CYP4F11: variants seen among roughly 807,000 people sequenced by gnomAD.
CYP4F11 encodes cytochrome P450 4F11.
In CYP4F11, 79 loss-of-function variants were observed where a neutral mutation model predicts 62.2. That is an observed-to-expected ratio of 1.27 (90% CI 1.06 to 1.53). The LOEUF (loss-of-function observed/expected upper bound fraction) is 1.53, where lower values mean the gene tolerates loss of function less well. Ranked by LOEUF, CYP4F11 falls within the 40% of genes most tolerant of loss-of-function variation. The probability of loss-of-function intolerance (pLI) is 0.00; values close to 1 mark genes in which losing one functional copy is unlikely to be tolerated. For missense variants in CYP4F11, 777 were observed against 680.5 expected (o/e 1.14, Z -1.58); for synonymous variants, 290 against 263.7 (o/e 1.10, Z -0.97).
rs199730157 is a variant in CYP4F11, at chr19:15,921,104, C to A, written c.1115+933G>T. Among the ~76,000 whole-genome samples, 3 of 142,568 alleles carry A rather than the reference C, an allele frequency of 2.1e-5. No individual in the cohort carries two copies. The East Asian group carries it at 6.1e-4, about 29-fold the overall frequency. 93.5% of individuals were successfully genotyped at this position (142,568 alleles called of 152,430 possible). Reference sequence around the variant, plus strand: ...TCTCTCTCTCTCTCTCTCTCTCTCTCCCTCTCTCTCTCACTCCCTCTCTCC... The same window carrying A: ...TCTCTCTCTCTCTCTCTCTCTCTCTACCTCTCTCTCTCACTCCCTCTCTCC... On this transcript the variant is annotated intron_variant, in intron 8 of 11. Coordinates refer to ENST00000402119, the MANE Select transcript of CYP4F11 (RefSeq NM_021187.4).
At chr19:15,919,345 C>CGATG (rs985463615) in intron 8 of CYP4F11, among the ~76,000 whole-genome samples, 23 of 137,724 alleles carry the variant, frequency 1.7e-4, no homozygotes, top group East Asian at 2.1e-4. Flanking sequence ...ATAGATAGAT[C>CGATG]GATGGATGGA....
chr19:15,930,378 G>T lies in CYP4F11; in HGVS notation c.199-777C>A, dbSNP rs545305042. 2.4e-3 allele frequency among the ~76,000 whole-genome samples: 368 copies of T among 152,172 alleles called. 1 individual carries two copies. Among genetic ancestry groups the T allele is most frequent in the African/African-American group, 8.5e-3 (353 of 41,508 alleles). On this transcript the variant is annotated intron_variant, in intron 1 of 11. Coordinates refer to ENST00000402119, the MANE Select transcript of CYP4F11 (RefSeq NM_021187.4). The stretch of plus-strand genomic sequence containing the variant: ...GGCCATGGTGGGTGGATCACCTGAG[G>T]TCAGGTGTTCGGGACCAGCCTGACC...
At chr19:15,916,386 C>T (rs2089583868) in intron 8 of CYP4F11, among the ~76,000 whole-genome samples, 1 of 151,994 alleles carries the variant, frequency 6.6e-6, no homozygotes, top group Admixed American at 6.6e-5. Flanking sequence ...ATGACTAAGA[C>T]CTCAAAAGCA....
At position 15,912,680 on chromosome 19, in the gene CYP4F11, A is replaced by AAATATAT. The variant is rs59091525; in HGVS notation, c.*1051_*1052insATATATT. On this transcript the variant is annotated 3_prime_UTR_variant, in exon 12 of 12. Transcript: ENST00000402119. ...TCACCATCCTCAGGAAAAAAAAAAA[A>AAATATAT]ATATATATATATATATATGTGTGTG... The AAATATAT allele has an allele frequency of 1.8e-3, 116 of 66,050 alleles. No individual in the cohort carries two copies. Among genetic ancestry groups the AAATATAT allele is most frequent in the South Asian group, 5.6e-3 (8 of 1,438 alleles). 4.1% of individuals were successfully genotyped at this position (66,050 alleles called of 1,614,324 possible). A position where few individuals can be genotyped will look rare whatever the true frequency, so the allele number is the denominator to read the frequency against.
At position 15,921,054 on chromosome 19, in the gene CYP4F11, GTC is replaced by G. The variant is rs60842401; in HGVS notation, c.1115+981_1115+982del. ...TTGGTCTCTCTCTCTCTCTCTTTCT[GTC>G]TCTCTCTCTCTCTCTCTCTCTCTCT... is the stretch of plus-strand genomic sequence containing the variant. On this transcript the variant is annotated intron_variant, in intron 8 of 11. Transcript: ENST00000402119. Among the ~76,000 whole-genome samples, 972 of 122,024 alleles carry G rather than the reference GTC, an allele frequency of 8.0e-3. 10 individuals are homozygous for G. The highest frequency in any genetic ancestry group is 0.012 in the Non-Finnish European group (680 of 57,674). The allele number at this position is 122,024 out of a possible 152,430, so 80.1% of individuals were successfully genotyped here. A position where few individuals can be genotyped will look rare whatever the true frequency, so the allele number is the denominator to read the frequency against.
rs190686363 is a variant in CYP4F11, at chr19:15,923,751, C to T, written c.918+61G>A. 11 of 1,558,212 alleles carry T rather than the reference C, an allele frequency of 7.1e-6. No individual in the cohort carries two copies. In the African/African-American group the frequency reaches 1.1e-4, roughly 16 times the overall value. On this transcript the variant is annotated intron_variant, in intron 6 of 11. Coordinates refer to ENST00000402119, the MANE Select transcript of CYP4F11 (RefSeq NM_021187.4). ...CCTTTGGATCAAGTCCAAGTTCTTT[C>T]ATTTGACAGAGGCATAAATCTCCAC... is the stretch of plus-strand genomic sequence containing the variant.
chr19:15,913,949 C>A, intron 11 of CYP4F11, 40 bp from the exon 12 acceptor site: 1 of 1,581,800 alleles, frequency 6.3e-7, no homozygotes, highest in African/African-American at 1.3e-5. Context: ...TGCCCATGAC[C>A]CCCATCCCGG....
chr19:15,926,773 G>A (rs1037500195), intron 4 of CYP4F11, among the ~76,000 whole-genome samples: 1 of 152,116 alleles, frequency 6.6e-6, no homozygotes, highest in African/African-American at 2.4e-5. Flanking sequence ...ACTGAGCCAG[G>A]ATCAGCAAAG....
In CYP4F11 at chr19:15,912,644, G is replaced by T. The variant is rs1177704183; in HGVS notation, c.*1088C>A. ...TCTCATTCTCCTACCACCTCACACA[G>T]TCAGGTACCTTCACCATCCTCAGGA... On this transcript the variant is annotated 3_prime_UTR_variant, in exon 12 of 12. Transcript: ENST00000402119. 7.6e-6 allele frequency: 1 copy of T among 130,920 alleles called. No individual in the cohort carries two copies. The highest frequency in any genetic ancestry group is 8.3e-5 in the Admixed American group (1 of 11,978). The allele number at this position is 130,920 out of a possible 1,614,324, so 8.1% of individuals were successfully genotyped here. A position where few individuals can be genotyped will look rare whatever the true frequency, so the allele number is the denominator to read the frequency against.
In CYP4F11 at chr19:15,912,680, A is replaced by AAAAAAAAAAATATATATATAT. The variant is rs59091525; in HGVS notation, c.*1051_*1052insATATATATATATTTTTTTTTT. On this transcript the variant is annotated 3_prime_UTR_variant, in exon 12 of 12. Transcript: ENST00000402119. ...TCACCATCCTCAGGAAAAAAAAAAA[A>AAAAAAAAAAATATATATATAT]ATATATATATATATATATGTGTGTG... 1.5e-5 allele frequency: 1 copy of AAAAAAAAAAATATATATATAT among 66,174 alleles called. No homozygotes were observed. Among genetic ancestry groups the AAAAAAAAAAATATATATATAT allele is most frequent in the African/African-American group, 6.4e-5 (1 of 15,512 alleles). The allele number at this position is 66,174 out of a possible 1,614,324, so 4.1% of individuals were successfully genotyped here.
rs199572323 is a variant in CYP4F11 at position 15,934,210 on chromosome 19, C to A, written c.198+1G>T. ...CAGACCCGTCCTGCTGACAAACTCA[C>A]CAGGCCCTGGTGTCCCCAAAACCAG... On this transcript the variant is annotated splice_donor_variant, in intron 1 of 11. Coordinates refer to ENST00000402119, the MANE Select transcript of CYP4F11 (RefSeq NM_021187.4). LOFTEE classifies it high-confidence loss of function. 1.2e-6 allele frequency: 2 copies of A among 1,613,342 alleles called. No individual in the cohort carries two copies.
At chr19:15,927,825 A>G (rs191282014) in intron 2 of CYP4F11, 2 of 269,452 alleles carry the variant, frequency 7.4e-6, no homozygotes. Flanking sequence ...ACTCTCTGCT[A>G]TCTTCTGACA....
rs1157274547 is a variant in CYP4F11, at chr19:15,912,380, A to G, written c.*1352T>C. On this transcript the variant is annotated 3_prime_UTR_variant, in exon 12 of 12. Transcript: ENST00000402119. ...AAGCCCAAAAAATAGATCCAAATAA[A>G]TATAGGCAACTTATATTTGATAAAG... 6.6e-6 allele frequency: 1 copy of G among 152,146 alleles called. No homozygotes were observed. The highest frequency in any genetic ancestry group is 1.5e-5 in the Non-Finnish European group (1 of 68,044). The allele number at this position is 152,146 out of a possible 1,614,324, so 9.4% of individuals were successfully genotyped here. A position where few individuals can be genotyped will look rare whatever the true frequency, so the allele number is the denominator to read the frequency against.
Position 15,934,322 on chromosome 19 carries a change from C to CCT in CYP4F11, c.86_87insAG (p.Trp29Ter). Residue 29 changes from tryptophan to a stop codon, truncating the protein, a stop_gained and frameshift_variant, in exon 1 of 12, where the codon TGG becomes TGAGG. Coordinates refer to ENST00000402119, the MANE Select transcript of CYP4F11 (RefSeq NM_021187.4). LOFTEE classifies it high-confidence loss of function. ...WLLLLLVGGS[W>*]LLARVLAWTY... The stretch of plus-strand genomic sequence containing the variant: ...TCCAGGCCAGGACGCGGGCCAGGAG[C>CCT]CAGGAGCCTCCAACCAGCAGCAGAA... 6.2e-7 allele frequency: 1 copy of CCT among 1,613,266 alleles called. No individual in the cohort carries two copies.
intron 8 of CYP4F11, among the ~76,000 whole-genome samples, chr19:15,920,454 C>T (rs1416123782): frequency 6.6e-6 from 1 of 152,174 alleles, no homozygotes; most frequent in East Asian, 1.9e-4. Context: ...GAAGGAAGCT[C>T]ATTTTTTATC....
Position 15,927,276 on chromosome 19 carries a change from G to A in CYP4F11, c.461C>T (p.Ala154Val). 1.2e-6 allele frequency: 2 copies of A among 1,614,154 alleles called. No individual in the cohort carries two copies. Among genetic ancestry groups the A allele is most frequent in the Non-Finnish European group, 1.7e-6 (2 of 1,180,036 alleles). The part of the protein sequence containing the change: ...WSRHRRMLTP[A>V]FHFNILKPYM... ...AGGCTTCAAGATGTTGAAATGGAAG[G>A]CAGGCGTCAACATCCGACGGTGGCG... The change falls in exon 4 of 12, where the codon GCC (alanine) becomes GTC (valine). Residue 154 changes from alanine (A) to valine (V), a missense_variant. Coordinates refer to ENST00000402119, the MANE Select transcript of CYP4F11 (RefSeq NM_021187.4).
At chr19:15,929,724 T>C (rs2145056108) in intron 1 of CYP4F11, 123 bp from the exon 2 acceptor site, 1 of 1,110,516 alleles carries the variant, frequency 9.0e-7, no homozygotes, top group Non-Finnish European at 1.3e-6. Flanking sequence ...TAAAACATTA[T>C]TTCTGGATGT....
intron 8 of CYP4F11, among the ~76,000 whole-genome samples, chr19:15,921,002 T>C (rs77246453): frequency 0.011 from 1,680 of 151,446 alleles, 13 homozygotes; most frequent in Non-Finnish European, 0.019. Context: ...CTTTTCTTTC[T>C]CTTCTCTCTC....
At position 15,913,800 on chromosome 19, in the gene CYP4F11, C is replaced by A; in HGVS notation, c.1507G>T (p.Glu503Ter). 2 of 1,614,220 alleles carry A rather than the reference C, an allele frequency of 1.2e-6. No individual in the cohort carries two copies. Among genetic ancestry groups the A allele is most frequent in the South Asian group, 1.1e-5 (1 of 91,086 alleles). Residue 503 changes from glutamate to a stop codon, truncating the protein, a stop_gained, in exon 12 of 12, where the codon GAG becomes TAG. Transcript: ENST00000402119. LOFTEE classifies it high-confidence loss of function. ...CCACCCTCTGCGCGCAATATCAGCTCGGGTTTCCTGCGGGGTTCAGTGTGG... is the reference window on the plus strand; with the variant it reads ...CCACCCTCTGCGCGCAATATCAGCTAGGGTTTCCTGCGGGGTTCAGTGTGG... ...PTHTEPRRKPELILRAEGGLW... is the reference protein window; with the variant it reads ...PTHTEPRRKP
Sources: gnomAD v4.1 joint callset for allele counts (sites outside exome capture counted in the v4.1 genomes callset) on GRCh38, gnomAD v4.1.1 for gene constraint, MANE v1.5 for transcripts, NCBI Gene and HGNC (gene_info 2026-07-23, HGNC 2026-07-21) for gene names.